OOSP1: variants seen among roughly 807,000 people sequenced by gnomAD.
OOSP1 encodes the protein putative oocyte-secreted protein 1 homolog.
In OOSP1, 11 loss-of-function variants were observed where a neutral mutation model predicts 5.7. The ratio of observed to expected loss-of-function variants is 1.94; its 90% confidence interval spans 1.22 to 3.20. OOSP1 has a LOEUF of 3.20. OOSP1 is among the 30% of genes most tolerant of loss of function. The probability of loss-of-function intolerance (pLI) is 0.00; values close to 1 mark genes in which losing one functional copy is unlikely to be tolerated. For missense variants in OOSP1, 83 were observed against 54.1 expected (o/e 1.53, Z -1.67); for synonymous variants, 44 against 20.0 (o/e 2.20, Z -3.20).
chr11:59,939,294 G>A (rs954773172), intron 1 of OOSP1, among the ~76,000 whole-genome samples: 4 of 147,908 alleles, frequency 2.7e-5, no homozygotes, highest in Middle Eastern at 3.2e-3. Flanking sequence ...CGCTGTCACC[G>A]AGGCTGGAGT....
intron 4 of OOSP1, among the ~76,000 whole-genome samples, chr11:59,956,064 A>C (rs1347901017): frequency 1.7e-4 from 26 of 152,184 alleles, no homozygotes; most frequent in Admixed American, 1.7e-3. Flanking sequence ...CTAGTACACC[A>C]ATCTGTGACC....
chr11:59,943,083 C>T, intron 2 of OOSP1, 55 bp downstream of exon 2: 1 of 686,026 alleles, frequency 1.5e-6, no homozygotes, highest in Non-Finnish European at 2.7e-6. Flanking sequence ...TGATGTTCCC[C>T]TTCCTGTGTC....
intron 4 of OOSP1, among the ~76,000 whole-genome samples, chr11:59,953,402 A>G (rs1853960216): frequency 6.6e-6 from 1 of 151,980 alleles, no homozygotes; most frequent in African/African-American, 2.4e-5. Context: ...TTTTCTCTCT[A>G]GGAAGATGAT....
intron 4 of OOSP1, among the ~76,000 whole-genome samples, chr11:59,956,717 T>C (rs1397552755): frequency 6.6e-6 from 1 of 152,110 alleles, no homozygotes; most frequent in Non-Finnish European, 1.5e-5. Flanking sequence ...TTCCCACTCT[T>C]CCCTGAGTCC....
Position 59,947,796 on chromosome 11 carries a change from G to A in OOSP1, c.420G>A (p.Trp140Ter), listed in dbSNP as rs555722602. ...GGGAAACTGACAATGTTAATGAATG[G>A]GAGATAGAGGTGAGGATACACATTG... is the stretch of plus-strand genomic sequence containing the variant. The change falls in exon 4 of 5, where the codon TGG becomes TGA. Residue 140 changes from tryptophan (W) to a stop codon, truncating the protein, a stop_gained. Transcript: ENST00000646685. LOFTEE classifies it high-confidence loss of function. The A allele has an allele frequency of 1.3e-5, 5 of 398,724 alleles. No homozygotes were observed. The highest frequency in any genetic ancestry group is 2.2e-5 in the Non-Finnish European group (5 of 225,952). The allele number at this position is 398,724 out of a possible 1,614,324, so 24.7% of individuals were successfully genotyped here.
At chr11:59,938,858 AGT>A (rs919948909) in intron 1 of OOSP1, among the ~76,000 whole-genome samples, 1 of 151,964 alleles carries the variant, frequency 6.6e-6, no homozygotes, top group Admixed American at 6.5e-5. Flanking sequence ...AAAACAGAGG[AGT>A]GGGTGGTGGT....
chr11:59,948,742 T>C (rs1474751556), intron 4 of OOSP1: 8 of 397,980 alleles, frequency 2.0e-5, no homozygotes, highest in Non-Finnish European at 3.5e-5. Context: ...ATCAAATGAG[T>C]ACCTTTATTG....
chr11:59,939,911 T>TA (rs1012738664), intron 1 of OOSP1, among the ~76,000 whole-genome samples: 67 of 151,982 alleles, frequency 4.4e-4, no homozygotes, highest in African/African-American at 1.6e-3. Flanking sequence ...AACTGCTAAT[T>TA]AAAAAAAAAT....
intron 4 of OOSP1, among the ~76,000 whole-genome samples, chr11:59,948,257 G>A (rs1365594369): frequency 6.6e-6 from 1 of 152,170 alleles, no homozygotes; most frequent in Non-Finnish European, 1.5e-5. Flanking sequence ...GAACTCAGAA[G>A]TGTCATAAGT....
At chr11:59,957,285 G>A (rs1854002067) in exon 5 of OOSP1, 2 of 397,748 alleles carry the variant, frequency 5.0e-6, no homozygotes, top group African/African-American at 4.1e-5. Context: ...TTCATGTGCT[G>A]TTGAGCGAGA....
intron 4 of OOSP1, among the ~76,000 whole-genome samples, chr11:59,952,796 A>T (rs191020574): frequency 2.0e-5 from 3 of 152,234 alleles, no homozygotes; most frequent in Admixed American, 6.5e-5. Flanking sequence ...GAAACCAAAA[A>T]ATTCCTGTTT....
chr11:59,956,930 A>G (rs1282462588), intron 4 of OOSP1, among the ~76,000 whole-genome samples: 2 of 151,406 alleles, frequency 1.3e-5, no homozygotes, highest in South Asian at 2.1e-4. Flanking sequence ...TATATATATA[A>G]CAGTTTCTTT....
chr11:59,950,588 T>G (rs908999958), intron 4 of OOSP1, among the ~76,000 whole-genome samples: 1 of 152,160 alleles, frequency 6.6e-6, no homozygotes, highest in African/African-American at 2.4e-5. Flanking sequence ...CAGGTGGAGT[T>G]GTCAGCTGTA....
intron 1 of OOSP1, among the ~76,000 whole-genome samples, chr11:59,938,744 CT>C (rs1185146609): frequency 6.6e-6 from 1 of 152,200 alleles, no homozygotes; most frequent in Non-Finnish European, 1.5e-5. Context: ...CTGAGACTGT[CT>C]TTCTCCAACT....
intron 4 of OOSP1, among the ~76,000 whole-genome samples, chr11:59,951,710 AT>A (rs779942825): frequency 0.024 from 2,460 of 103,416 alleles, 55 homozygotes; most frequent in African/African-American, 0.069. Context: ...AATGAACTGC[AT>A]TTTTTTTTTT....
intron 4 of OOSP1, among the ~76,000 whole-genome samples, chr11:59,948,122 T>C (rs1853904715): frequency 6.6e-6 from 1 of 152,224 alleles, no homozygotes; most frequent in South Asian, 2.1e-4. Context: ...TGTGAAATAC[T>C]ATAATTAACT....
intron 4 of OOSP1, among the ~76,000 whole-genome samples, chr11:59,949,509 A>G (rs557458819): frequency 2.0e-5 from 3 of 152,256 alleles, no homozygotes; most frequent in African/African-American, 7.2e-5. Flanking sequence ...AAATTAAAAA[A>G]AAAAGAATAT....
At chr11:59,946,465 C>T (rs1178902616) in intron 3 of OOSP1, among the ~76,000 whole-genome samples, 2 of 152,128 alleles carry the variant, frequency 1.3e-5, no homozygotes, top group African/African-American at 4.8e-5. Context: ...ACATGAGATT[C>T]GAGTGGGGAC....
At chr11:59,946,554 G>A (rs1485021894) in intron 3 of OOSP1, among the ~76,000 whole-genome samples, 1 of 152,098 alleles carries the variant, frequency 6.6e-6, no homozygotes, top group South Asian at 2.1e-4. Context: ...AGGAATACTA[G>A]GAATATTATT....
Sources: gnomAD v4.1 joint callset for allele counts (sites outside exome capture counted in the v4.1 genomes callset) on GRCh38, gnomAD v4.1.1 for gene constraint, MANE v1.5 for transcripts, NCBI Gene and HGNC (gene_info 2026-07-23, HGNC 2026-07-21) for gene names.